Variants in TRIP12 observed in about 807,000 individuals in gnomAD.
The protein encoded by TRIP12 is E3 ubiquitin-protein ligase TRIP12.
A neutral mutation model predicts 244.2 loss-of-function variants in TRIP12; 25 were observed. That is an observed-to-expected ratio of 0.10 (90% CI 0.07 to 0.14). The LOEUF is 0.14. Among genes scored for constraint, TRIP12 ranks in the 10% least tolerant of loss-of-function variants. The pLI, the probability that TRIP12 is intolerant of heterozygous loss-of-function variation, is 1.00. For missense variants in TRIP12, 1,677 were observed against 2,486.4 expected (o/e 0.67, Z 6.92); for synonymous variants, 905 against 873.1 (o/e 1.04, Z -0.64).
intron 27 of TRIP12, 28 bp from the exon 28 acceptor site, chr2:229,792,254 CTT>C: frequency 6.2e-7 from 1 of 1,601,594 alleles, no homozygotes. Context: ...CTTTTAAACT[CTT>C]AGCGATTTTA....
At chr2:229,801,884 C>T (rs1454794315) in intron 21 of TRIP12, among the ~76,000 whole-genome samples, 1 of 151,874 alleles carries the variant, frequency 6.6e-6, no homozygotes, top group East Asian at 1.9e-4. Flanking sequence ...TCTCTGAGGT[C>T]GTATGTATGC....
At chr2:229,885,749 T>C (rs144257910) in intron 1 of TRIP12, among the ~76,000 whole-genome samples, 4 of 152,236 alleles carry the variant, frequency 2.6e-5, no homozygotes, top group African/African-American at 9.6e-5. Context: ...GTGCTGAGAT[T>C]GAGAGGTGCC....
chr2:229,907,945 T>C (rs748630476), intron 1 of TRIP12, among the ~76,000 whole-genome samples: 17 of 152,082 alleles, frequency 1.1e-4, no homozygotes, highest in Non-Finnish European at 2.2e-4. Context: ...TTTACTTCCA[T>C]TTTACAGATG....
intron 4 of TRIP12, among the ~76,000 whole-genome samples, chr2:229,848,513 T>C (rs946488559): frequency 6.6e-6 from 1 of 152,048 alleles, no homozygotes; most frequent in Admixed American, 6.6e-5. Context: ...AAGAGAAAAG[T>C]TGGAAGATGT....
intron 38 of TRIP12, among the ~76,000 whole-genome samples, chr2:229,771,884 A>C (rs1276006469): frequency 6.6e-6 from 1 of 152,254 alleles, no homozygotes; most frequent in Non-Finnish European, 1.5e-5. Context: ...GTGTTTTAAA[A>C]ATCTATTTAT....
chr2:229,894,774 T>C (rs565095312), intron 1 of TRIP12, among the ~76,000 whole-genome samples: 10 of 152,318 alleles, frequency 6.6e-5, no homozygotes, highest in South Asian at 2.1e-4. Context: ...GTATTTAACG[T>C]GCCTAAGAAT....
At chr2:229,880,613 C>A (rs767988520) in intron 1 of TRIP12, among the ~76,000 whole-genome samples, 5 of 152,182 alleles carry the variant, frequency 3.3e-5, no homozygotes, top group Non-Finnish European at 7.3e-5. Context: ...GTCTTCTTCA[C>A]AGTATTGTTG....
At chr2:229,830,074 T>A (rs1367682901) in intron 7 of TRIP12, among the ~76,000 whole-genome samples, 1 of 152,178 alleles carries the variant, frequency 6.6e-6, no homozygotes, top group Non-Finnish European at 1.5e-5. Context: ...ATTGTAAGCC[T>A]CACACTGAGA....
At chr2:229,896,333 T>C (rs1352329265) in intron 1 of TRIP12, among the ~76,000 whole-genome samples, 2 of 152,056 alleles carry the variant, frequency 1.3e-5, no homozygotes, top group African/African-American at 4.8e-5. Flanking sequence ...TAGAATCATC[T>C]CTCTATTAAA....
chr2:229,896,607 G>A (rs184613238), intron 1 of TRIP12, among the ~76,000 whole-genome samples: 126 of 152,208 alleles, frequency 8.3e-4, no homozygotes, highest in African/African-American at 2.4e-3. Context: ...GCAAGACTCC[G>A]TCTCAAAAAT....
In TRIP12 at chr2:229,922,001, A is replaced by C. The variant is rs948329517; in HGVS notation, c.-171T>G. ...TCCGGGTTCCTTCAATTATCAGCTG[A>C]GCCGCAGCACCGCGCCCGGCGTGCG... On this transcript the variant is annotated 5_prime_UTR_variant, in exon 1 of 42. Coordinates refer to ENST00000675903, the MANE Select transcript of TRIP12 (RefSeq NM_001348323.3). 7.3e-6 allele frequency: 1 copy of C among 137,274 alleles called. No homozygotes were observed. The highest frequency in any genetic ancestry group is 2.8e-5 in the African/African-American group (1 of 36,138). The allele number at this position is 137,274 out of a possible 1,614,324, so 8.5% of individuals were successfully genotyped here.
intron 8 of TRIP12, among the ~76,000 whole-genome samples, chr2:229,826,389 C>G (rs1380246693): frequency 6.6e-6 from 1 of 152,032 alleles, no homozygotes; most frequent in Non-Finnish European, 1.5e-5. Flanking sequence ...AACCAGTTTG[C>G]AAGAAATAAA....
At chr2:229,792,476 T>C (rs946949948) in intron 27 of TRIP12, among the ~76,000 whole-genome samples, 1 of 152,246 alleles carries the variant, frequency 6.6e-6, no homozygotes, top group African/African-American at 2.4e-5. Flanking sequence ...ATATCTCATA[T>C]ACATGGCGTG....
At chr2:229,776,321 C>T (rs1279061831) in intron 37 of TRIP12, among the ~76,000 whole-genome samples, 3 of 152,246 alleles carry the variant, frequency 2.0e-5, no homozygotes, top group African/African-American at 4.8e-5. Context: ...CTAAACAACA[C>T]TGTAATAGTT....
At chr2:229,837,319 T>G (rs1462279613) in intron 5 of TRIP12, among the ~76,000 whole-genome samples, 1 of 152,158 alleles carries the variant, frequency 6.6e-6, no homozygotes, top group African/African-American at 2.4e-5. Flanking sequence ...GAGCATCACT[T>G]CCAGGGTAAA....
intron 2 of TRIP12, among the ~76,000 whole-genome samples, chr2:229,866,341 A>T (rs533938789): frequency 3.3e-5 from 5 of 152,302 alleles, no homozygotes; most frequent in African/African-American, 7.2e-5. Context: ...CATTGTTGTA[A>T]CTGTCACATT....
intron 8 of TRIP12, among the ~76,000 whole-genome samples, chr2:229,822,928 T>C (rs1044653991): frequency 2.6e-5 from 4 of 152,172 alleles, no homozygotes; most frequent in African/African-American, 4.8e-5. Flanking sequence ...TAAGAACTCA[T>C]TGACGGGTTT....
At chr2:229,920,714 TC>T (rs1444290990) in intron 1 of TRIP12, among the ~76,000 whole-genome samples, 2 of 152,046 alleles carry the variant, frequency 1.3e-5, no homozygotes, top group African/African-American at 4.8e-5. Flanking sequence ...AAGTGTGATT[TC>T]CCCCCGATTT....
At chr2:229,836,760 T>C (rs2054926679) in intron 6 of TRIP12, 88 bp downstream of exon 6, 4 of 1,404,924 alleles carry the variant, frequency 2.8e-6, no homozygotes, top group South Asian at 1.4e-5. Context: ...GTTTATACGA[T>C]AGTAACACCT....
Sources: gnomAD v4.1 joint callset for allele counts (sites outside exome capture counted in the v4.1 genomes callset) on GRCh38, gnomAD v4.1.1 for gene constraint, MANE v1.5 for transcripts, NCBI Gene and HGNC (gene_info 2026-07-23, HGNC 2026-07-21) for gene names.